CPED1: variants seen among roughly 807,000 people sequenced by gnomAD.
CPED1 encodes cadherin like and PC-esterase domain containing 1.
CPED1 carries 114 observed loss-of-function variants against 128.2 expected under a neutral mutation model. The ratio of observed to expected loss-of-function variants is 0.89; its 90% CI spans 0.76 to 1.04. The LOEUF (loss-of-function observed/expected upper bound fraction) is 1.04, where lower values mean the gene tolerates loss of function less well. Among genes scored for constraint, CPED1 ranks in the 50% least tolerant of loss-of-function variants. The pLI, the probability that CPED1 is intolerant of heterozygous loss-of-function variation, is 0.00. For missense variants in CPED1, 1,211 were observed against 1,207.1 expected (o/e 1.00, Z -0.05); for synonymous variants, 462 against 426.7 (o/e 1.08, Z -1.02).
At chr7:121,256,574 C>T (rs1024020837) in intron 18 of CPED1, among the ~76,000 whole-genome samples, 3 of 151,984 alleles carry the variant, frequency 2.0e-5, no homozygotes, top group Admixed American at 1.3e-4. Flanking sequence ...GGCTGCAGAG[C>T]AAAAAGAACA....
chr7:121,148,895 A>G (rs1054625787), intron 16 of CPED1, among the ~76,000 whole-genome samples: 1 of 152,150 alleles, frequency 6.6e-6, no homozygotes, highest in Non-Finnish European at 1.5e-5. Flanking sequence ...TCTGCTTTGA[A>G]AGAAAATAAA....
At chr7:120,998,233 T>C (rs1217893145) in intron 2 of CPED1, among the ~76,000 whole-genome samples, 2 of 152,186 alleles carry the variant, frequency 1.3e-5, no homozygotes, top group African/African-American at 2.4e-5. Context: ...TTTTAAACTA[T>C]CCAGCTTCGA....
chr7:121,196,606 G>C (rs1563061776), intron 16 of CPED1, among the ~76,000 whole-genome samples: 1 of 152,114 alleles, frequency 6.6e-6, no homozygotes, highest in Non-Finnish European at 1.5e-5. Flanking sequence ...GAATTAAATA[G>C]GAGTCTGGGG....
intron 18 of CPED1, among the ~76,000 whole-genome samples, chr7:121,248,817 C>A (rs772848226): frequency 6.6e-6 from 1 of 152,110 alleles, no homozygotes. Flanking sequence ...GCTTCTCAGC[C>A]ATGTTTCTTA....
At chr7:121,098,824 T>A (rs1400032094) in intron 6 of CPED1, among the ~76,000 whole-genome samples, 2 of 144,308 alleles carry the variant, frequency 1.4e-5, no homozygotes, top group Non-Finnish European at 3.0e-5. Context: ...AATATATATA[T>A]AAATATATAT....
chr7:121,086,697 T>C (rs1794434042), intron 5 of CPED1, among the ~76,000 whole-genome samples: 1 of 152,190 alleles, frequency 6.6e-6, no homozygotes, highest in Non-Finnish European at 1.5e-5. Flanking sequence ...TTCTCCAAGA[T>C]AGTGGCAGTC....
chr7:121,206,106 A>T (rs965145353), intron 16 of CPED1, among the ~76,000 whole-genome samples: 1 of 152,068 alleles, frequency 6.6e-6, no homozygotes, highest in African/African-American at 2.4e-5. Flanking sequence ...ACATTCAAAG[A>T]GTTTCAACTG....
At chr7:121,194,022 C>CTCTATATATA (rs1484413430) in intron 16 of CPED1, among the ~76,000 whole-genome samples, 5 of 74,748 alleles carry the variant, frequency 6.7e-5, no homozygotes, top group Non-Finnish European at 7.3e-5. Context: ...CTCTCTCTCT[C>CTCTATATATA]TATATATATA....
At chr7:121,293,051 T>C (rs7778200) in intron 22 of CPED1, among the ~76,000 whole-genome samples, 63,895 of 151,996 alleles carry the variant, frequency 0.42, 14,290 homozygotes, top group African/African-American at 0.57. Flanking sequence ...TAGTGCTGTG[T>C]TGGGAGATCC....
rs150375402 is a variant in CPED1 at position 121,217,275 on chromosome 7, T to C, written c.2056-19439T>C. On this transcript the variant is annotated intron_variant, in intron 16 of 22. Transcript: ENST00000310396. Reference sequence around the variant, plus strand: ...ACAAGGGCAGGGGTAAGACCCAGATTTGTTTTAAGGGTCAAGCAGTCAAAG... The same window carrying C: ...ACAAGGGCAGGGGTAAGACCCAGATCTGTTTTAAGGGTCAAGCAGTCAAAG... Among the ~76,000 whole-genome samples the C allele has an allele frequency of 5.7e-4, 87 of 151,960 alleles. 2 individuals carry two copies. In the East Asian group the frequency reaches 0.016, roughly 28 times the overall value.
intron 16 of CPED1, among the ~76,000 whole-genome samples, chr7:121,149,047 C>T (rs1187580743): frequency 1.3e-5 from 2 of 152,042 alleles, no homozygotes; most frequent in Non-Finnish European, 2.9e-5. Context: ...CCTGGGCTGT[C>T]GGCGTTCTTT....
chr7:121,209,040 A>T (rs1443786296), intron 16 of CPED1, among the ~76,000 whole-genome samples: 2 of 152,024 alleles, frequency 1.3e-5, no homozygotes, highest in Non-Finnish European at 2.9e-5. Context: ...CCAAGGAATG[A>T]TTTTGTTGTT....
chr7:121,244,845 T>C (rs1023476146), intron 18 of CPED1, among the ~76,000 whole-genome samples: 8 of 152,184 alleles, frequency 5.3e-5, no homozygotes, highest in Admixed American at 3.9e-4. Flanking sequence ...TGGGCAGGTC[T>C]CACATGGACC....
chr7:121,239,232 A>G (rs572036179), intron 17 of CPED1, among the ~76,000 whole-genome samples: 1 of 152,076 alleles, frequency 6.6e-6, no homozygotes, highest in Admixed American at 6.6e-5. Flanking sequence ...TTAAAAGCAC[A>G]TTACAGCTAT....
intron 18 of CPED1, among the ~76,000 whole-genome samples, chr7:121,264,535 C>A (rs75476250): frequency 0.016 from 2,389 of 152,110 alleles, 68 homozygotes; most frequent in African/African-American, 0.053. Flanking sequence ...TAGCATAACA[C>A]TACTTGAGCT....
intron 7 of CPED1, among the ~76,000 whole-genome samples, chr7:121,101,023 T>G (rs1794838794): frequency 6.6e-6 from 1 of 152,162 alleles, no homozygotes; most frequent in Non-Finnish European, 1.5e-5. Flanking sequence ...AAGTTGTACA[T>G]TCTTTACCTA....
intron 7 of CPED1, among the ~76,000 whole-genome samples, chr7:121,118,281 G>A (rs1464361814): frequency 2.6e-5 from 4 of 152,094 alleles, no homozygotes; most frequent in South Asian, 2.1e-4. Flanking sequence ...AAAAGAAACC[G>A]GCTGGGCGCG....
At chr7:121,192,861 T>C (rs137947081) in intron 16 of CPED1, among the ~76,000 whole-genome samples, 39 of 152,286 alleles carry the variant, frequency 2.6e-4, no homozygotes, top group African/African-American at 9.1e-4. Context: ...GATATGATTT[T>C]TATGTTTTCT....
chr7:121,279,699 GT>G (rs1165074038), intron 22 of CPED1, among the ~76,000 whole-genome samples: 1 of 152,128 alleles, frequency 6.6e-6, no homozygotes, highest in Non-Finnish European at 1.5e-5. Flanking sequence ...AGACCCCTGA[GT>G]TCCTTACCCC....
Sources: gnomAD v4.1 joint callset for allele counts (sites outside exome capture counted in the v4.1 genomes callset) on GRCh38, gnomAD v4.1.1 for gene constraint, MANE v1.5 for transcripts, NCBI Gene and HGNC (gene_info 2026-07-23, HGNC 2026-07-21) for gene names.